Variants in FMN2 observed in about 807,000 individuals in gnomAD.
FMN2 encodes formin-2.
A neutral mutation model predicts 142.3 loss-of-function variants in FMN2; 51 were observed. The observed-to-expected ratio is 0.36, with a 90% CI of 0.29 to 0.45. The LOEUF is 0.45. FMN2 is among the 20% of genes least tolerant of loss of function. The probability of loss-of-function intolerance (pLI) is 1.00; values close to 1 mark genes in which losing one functional copy is unlikely to be tolerated. For synonymous variants in FMN2, 882 were observed against 869.8 expected (o/e 1.01, Z -0.25); for missense variants, 1,936 against 2,122.8 (o/e 0.91, Z 1.73).
intron 7 of FMN2, among the ~76,000 whole-genome samples, chr1:240,290,967 C>T (rs552434150): frequency 2.2e-4 from 34 of 151,818 alleles, no homozygotes; most frequent in African/African-American, 8.2e-4. Flanking sequence ...GCATGCACCA[C>T]CACACCTGGC....
At chr1:240,406,744 G>GTTA (rs1179209763) in intron 15 of FMN2, among the ~76,000 whole-genome samples, 1 of 152,096 alleles carries the variant, frequency 6.6e-6, no homozygotes, top group East Asian at 1.9e-4. Context: ...TCCTAGATAG[G>GTTA]TAATATAAGC....
chr1:240,445,167 T>C (rs1011778488), intron 16 of FMN2, among the ~76,000 whole-genome samples: 2 of 152,204 alleles, frequency 1.3e-5, no homozygotes, highest in African/African-American at 4.8e-5. Flanking sequence ...TATTCATGAA[T>C]TGGAGTAACG....
intron 14 of FMN2, among the ~76,000 whole-genome samples, chr1:240,381,829 A>C (rs2103082713): frequency 6.6e-6 from 1 of 152,334 alleles, no homozygotes; most frequent in African/African-American, 2.4e-5. Flanking sequence ...CATATCTCAA[A>C]ATAGGAACCA....
rs183663772 is a variant in FMN2 at position 240,387,491 on chromosome 1, G to C, written c.4859-5020G>C. 1.7e-3 allele frequency among the ~76,000 whole-genome samples: 263 copies of C among 152,292 alleles called. 1 individual carries two copies. The highest frequency in any genetic ancestry group is 3.4e-3 in the Middle Eastern group (1 of 294). On this transcript the variant is annotated intron_variant, in intron 14 of 17. Transcript: ENST00000319653. Reference sequence around the variant, plus strand: ...CTTTAAAAAGTGGGGAGGGGACTAAGGAGCTATTAGCCTCTGTGTTTATCC... The same window carrying C: ...CTTTAAAAAGTGGGGAGGGGACTAACGAGCTATTAGCCTCTGTGTTTATCC...
chr1:240,199,076 G>A (rs574361618), intron 4 of FMN2, among the ~76,000 whole-genome samples: 29 of 152,062 alleles, frequency 1.9e-4, no homozygotes, highest in African/African-American at 6.5e-4. Context: ...TTGGACTCCA[G>A]CCTGGGTGAC....
intron 16 of FMN2, among the ~76,000 whole-genome samples, chr1:240,448,914 G>A (rs183196354): frequency 8.6e-4 from 131 of 152,254 alleles, no homozygotes; most frequent in African/African-American, 2.7e-3. Flanking sequence ...GGGCCAAGGC[G>A]GGTGGATGGC....
intron 6 of FMN2, among the ~76,000 whole-genome samples, chr1:240,217,698 T>C (rs1296391753): frequency 2.0e-5 from 3 of 152,040 alleles, no homozygotes; most frequent in Non-Finnish European, 4.4e-5. Context: ...TAACTATTTG[T>C]AGAGCATACC....
chr1:240,219,183 T>TTA (rs1667014551), intron 6 of FMN2, among the ~76,000 whole-genome samples: 1 of 152,202 alleles, frequency 6.6e-6, no homozygotes, highest in Admixed American at 6.5e-5. Flanking sequence ...CTGAATGTGT[T>TTA]TCCTTCTCAT....
At chr1:240,184,048 G>C (rs28412346) in intron 3 of FMN2, among the ~76,000 whole-genome samples, 12,347 of 151,624 alleles carry the variant, frequency 0.081, 569 homozygotes, top group African/African-American at 0.12. Flanking sequence ...GGCATATCCC[G>C]CTCATTGTCT....
At chr1:240,289,741 C>A (rs570438014) in intron 7 of FMN2, among the ~76,000 whole-genome samples, 3 of 152,044 alleles carry the variant, frequency 2.0e-5, no homozygotes, top group Admixed American at 6.6e-5. Context: ...TCTGGCTATT[C>A]AAAATATGTG....
intron 16 of FMN2, among the ~76,000 whole-genome samples, chr1:240,438,497 A>G (rs2103180994): frequency 6.6e-6 from 1 of 152,316 alleles, no homozygotes; most frequent in African/African-American, 2.4e-5. Flanking sequence ...TGACCACGTA[A>G]GAAGGCTGGA....
At chr1:240,297,856 C>T (rs912168722) in intron 8 of FMN2, among the ~76,000 whole-genome samples, 1 of 152,112 alleles carries the variant, frequency 6.6e-6, no homozygotes, top group Admixed American at 6.5e-5. Flanking sequence ...AAGGCACTGG[C>T]AGATTTGGGA....
chr1:240,271,098 G>GTTTTTTTTTTTTTTTTGT, intron 7 of FMN2, among the ~76,000 whole-genome samples: 1 of 72,244 alleles, frequency 1.4e-5, no homozygotes, highest in Non-Finnish European at 2.5e-5. Context: ...TTCCACGATG[G>GTTTTTTTTTTTTTTTTGT]TTTTTTTTTT....
chr1:240,274,809 G>T (rs993781032), intron 7 of FMN2, among the ~76,000 whole-genome samples: 5 of 152,056 alleles, frequency 3.3e-5, no homozygotes, highest in African/African-American at 1.2e-4. Context: ...TAGACTGTGA[G>T]AAAAAGATAG....
At chr1:240,290,832 C>A (rs1295061475) in intron 7 of FMN2, among the ~76,000 whole-genome samples, 1 of 141,412 alleles carries the variant, frequency 7.1e-6, no homozygotes, top group Admixed American at 7.1e-5. Context: ...GCTCTGTCAC[C>A]CAGGCTGGAG....
intron 2 of FMN2, chr1:240,143,426 C>T: frequency 6.3e-6 from 9 of 1,430,352 alleles, no homozygotes; most frequent in East Asian, 2.3e-5. Context: ...CCCAGAACAG[C>T]CACTCCCTGA....
intron 14 of FMN2, among the ~76,000 whole-genome samples, chr1:240,385,907 G>T (rs138283987): frequency 3.5e-4 from 54 of 152,116 alleles, no homozygotes; most frequent in Middle Eastern, 3.4e-3. Flanking sequence ...TATGTACAAA[G>T]TTGAAATAAC....
At chr1:240,289,327 C>T (rs10754696) in intron 7 of FMN2, among the ~76,000 whole-genome samples, 46,922 of 151,812 alleles carry the variant, frequency 0.31, 7,746 homozygotes, top group Admixed American at 0.48. Flanking sequence ...AACACTGTTC[C>T]ATAGCTTAAA....
chr1:240,122,062 A>AAACTAATTAATTAATTAATT (rs1662290616), intron 1 of FMN2, among the ~76,000 whole-genome samples: 1 of 97,114 alleles, frequency 1.0e-5, no homozygotes, highest in Admixed American at 9.8e-5. Context: ...TTTGGATCCA[A>AAACTAATTAATTAATTAATT]AATTAATTAA....
Sources: allele counts gnomAD v4.1 joint callset (sites outside exome capture counted in the v4.1 genomes callset), GRCh38; gene constraint gnomAD v4.1.1; transcripts MANE v1.5; gene names NCBI Gene and HGNC (gene_info 2026-07-23, HGNC 2026-07-21).